Variants in GRIK3 observed in about 807,000 individuals in gnomAD.
The protein encoded by GRIK3 is glutamate receptor ionotropic, kainate 3.
A neutral mutation model predicts 102.5 loss-of-function variants in GRIK3; 29 were observed. The observed-to-expected ratio is 0.28, with a 90% CI of 0.21 to 0.39. The LOEUF (loss-of-function observed/expected upper bound fraction) is 0.39. Ranked by LOEUF, GRIK3 falls within the 10% of genes least tolerant of loss-of-function variation. The pLI is 1.00. For missense variants in GRIK3, 908 were observed against 1,252.4 expected (o/e 0.73, Z 4.15); for synonymous variants, 511 against 504.9 (o/e 1.01, Z -0.16).
chr1:36,935,908 G>A (rs940690318), intron 1 of GRIK3, among the ~76,000 whole-genome samples: 11 of 152,154 alleles, frequency 7.2e-5, no homozygotes, highest in African/African-American at 1.2e-4. Context: ...TTGCCGCCCC[G>A]ACTCCCTCAG....
chr1:36,860,697 G>A (rs1640713162), intron 5 of GRIK3, among the ~76,000 whole-genome samples: 1 of 152,172 alleles, frequency 6.6e-6, no homozygotes, highest in Admixed American at 6.5e-5. Context: ...GGGTGGGCTG[G>A]TGAAGGAAGG....
chr1:36,951,539 T>C (rs1641843464), intron 1 of GRIK3, among the ~76,000 whole-genome samples: 2 of 152,352 alleles, frequency 1.3e-5, no homozygotes, highest in African/African-American at 2.4e-5. Context: ...GTCCTACTTA[T>C]GTCGAACTGG....
At chr1:37,027,804 C>T (rs1468659308) in intron 1 of GRIK3, among the ~76,000 whole-genome samples, 1 of 151,912 alleles carries the variant, frequency 6.6e-6, no homozygotes, top group Non-Finnish European at 1.5e-5. Context: ...CAGCTCAGTC[C>T]CTGGCAGCCA....
chr1:36,913,953 T>TG (rs1641373282), intron 1 of GRIK3, among the ~76,000 whole-genome samples: 1 of 152,202 alleles, frequency 6.6e-6, no homozygotes, highest in Middle Eastern at 3.2e-3. Context: ...TGACCTCCTC[T>TG]GGGGTCTCAG....
chr1:36,871,733 G>A (rs1244519999), intron 4 of GRIK3, among the ~76,000 whole-genome samples: 1 of 152,172 alleles, frequency 6.6e-6, no homozygotes, highest in African/African-American at 2.4e-5. Flanking sequence ...AGTAATAGGA[G>A]AGTAACACCA....
intron 1 of GRIK3, among the ~76,000 whole-genome samples, chr1:36,909,473 G>A (rs534961123): frequency 1.3e-5 from 2 of 151,972 alleles, no homozygotes; most frequent in African/African-American, 2.4e-5. Context: ...TAATTTTTTC[G>A]TATTTTTGGT....
chr1:36,812,239 AC>A (rs1284015734), intron 13 of GRIK3, among the ~76,000 whole-genome samples: 1 of 151,926 alleles, frequency 6.6e-6, no homozygotes, highest in Admixed American at 6.6e-5. Flanking sequence ...GATGCTAGGA[AC>A]CGAGGCTGTG....
At chr1:36,930,823 C>T (rs1052190185) in intron 1 of GRIK3, among the ~76,000 whole-genome samples, 2 of 152,282 alleles carry the variant, frequency 1.3e-5, no homozygotes, top group East Asian at 1.9e-4. Flanking sequence ...ACAATAGGAA[C>T]GAGGAGTTGT....
chr1:36,880,949 A>T lies in GRIK3; in HGVS notation c.293-58T>A. 1 of 1,518,858 alleles carries T rather than the reference A, an allele frequency of 6.6e-7. No homozygotes were observed. The highest frequency in any genetic ancestry group is 1.7e-4 in the Middle Eastern group (1 of 5,742). The allele number at this position is 1,518,858 out of a possible 1,614,324, so 94.1% of individuals were successfully genotyped here. A position where few individuals can be genotyped will look rare whatever the true frequency, so the allele number is the denominator to read the frequency against. On this transcript the variant is annotated intron_variant, in intron 2 of 15. Coordinates refer to ENST00000373091, the MANE Select transcript of GRIK3 (RefSeq NM_000831.4). The surrounding 1 kb of genome is among the most constrained non-coding windows in gnomAD (Gnocchi z 5.4). ...GCACTGGGGCTGTGGGTATGGGGAC[A>T]GTGATGCTGATGATCCTGTAAACAT...
At chr1:36,992,149 A>C (rs1282054159) in intron 1 of GRIK3, among the ~76,000 whole-genome samples, 1 of 152,244 alleles carries the variant, frequency 6.6e-6, no homozygotes, top group Non-Finnish European at 1.5e-5. Context: ...GGGCATAGAG[A>C]TGAACACGAT....
chr1:37,021,091 A>AGTGTGTGTGTGT, intron 1 of GRIK3, among the ~76,000 whole-genome samples: 1 of 144,022 alleles, frequency 6.9e-6, no homozygotes, highest in African/African-American at 2.6e-5. Context: ...CAAATTTGCA[A>AGTGTGTGTGTGT]GTGTGTGTGT....
chr1:36,866,808 C>T (rs1043489992), intron 5 of GRIK3, among the ~76,000 whole-genome samples: 10 of 152,188 alleles, frequency 6.6e-5, no homozygotes, highest in South Asian at 2.1e-4. Context: ...GACAATTTCA[C>T]GGATTACTTT....
chr1:36,892,301 G>A (rs112354506), intron 1 of GRIK3, among the ~76,000 whole-genome samples: 13 of 152,270 alleles, frequency 8.5e-5, no homozygotes, highest in African/African-American at 3.1e-4. Context: ...GGGATTACAG[G>A]TGTGAGCCAC....
chr1:36,832,371 T>C (rs1470903728), intron 10 of GRIK3, among the ~76,000 whole-genome samples: 1 of 152,136 alleles, frequency 6.6e-6, no homozygotes, highest in Non-Finnish European at 1.5e-5. Context: ...ACAGAGCACA[T>C]GGCCGTTTAC....
intron 1 of GRIK3, among the ~76,000 whole-genome samples, chr1:36,937,531 A>G (rs955076220): frequency 6.6e-6 from 1 of 152,158 alleles, no homozygotes; most frequent in Non-Finnish European, 1.5e-5. Context: ...GTGAAACAGA[A>G]ATTTCGGTGG....
At chr1:36,993,576 G>A (rs953721707) in intron 1 of GRIK3, among the ~76,000 whole-genome samples, 5 of 152,210 alleles carry the variant, frequency 3.3e-5, no homozygotes, top group African/African-American at 1.2e-4. Context: ...AGCTCTGATG[G>A]ACATTAATAT....
rs370199383 is a variant in GRIK3, at chr1:36,996,581, G to C, written c.115+37413C>G. On this transcript the variant is annotated intron_variant, in intron 1 of 15. Transcript: ENST00000373091. Reference sequence around the variant, plus strand: ...CATGTCATCCTAAGCTGAGAAGGAGGTGGGAGAAGAGGTGAAGACCAAAAA... The same window carrying C: ...CATGTCATCCTAAGCTGAGAAGGAGCTGGGAGAAGAGGTGAAGACCAAAAA... Among the ~76,000 whole-genome samples the C allele has an allele frequency of 5.3e-5, 8 of 152,318 alleles. No individual in the cohort carries two copies. In the South Asian group the frequency reaches 1.2e-3, roughly 24 times the overall value.
At chr1:36,825,520 G>C in intron 11 of GRIK3, 83 bp downstream of exon 11, 1 of 861,532 alleles carries the variant, frequency 1.2e-6, no homozygotes, top group Non-Finnish European at 1.8e-6. Context: ...GGCTTTCTGT[G>C]CCAGGGGCTG....
chr1:36,862,369 C>T (rs1231432251), intron 5 of GRIK3, among the ~76,000 whole-genome samples: 1 of 152,126 alleles, frequency 6.6e-6, no homozygotes, highest in Non-Finnish European at 1.5e-5. Flanking sequence ...TGTCTTACTC[C>T]AAACCCTCTA....
Sources: gnomAD v4.1 joint callset for allele counts (sites outside exome capture counted in the v4.1 genomes callset) on GRCh38, gnomAD v4.1.1 for gene constraint, Gnocchi (gnomAD v3.1) non-coding constraint, MANE v1.5 for transcripts, NCBI Gene and HGNC (gene_info 2026-07-23, HGNC 2026-07-21) for gene names.